Variants in ABCA10 observed in about 807,000 individuals in gnomAD.
ABCA10 encodes ATP-binding cassette sub-family A member 10.
ABCA10 carries 169 observed loss-of-function variants against 187.5 expected under a neutral mutation model. That is an observed-to-expected ratio of 0.90 (90% CI 0.80 to 1.02). ABCA10 has a LOEUF of 1.02. Among genes scored for constraint, ABCA10 ranks in the 50% least tolerant of loss-of-function variants. ABCA10 has a pLI of 0.00. For synonymous variants in ABCA10, 574 were observed against 601.8 expected (o/e 0.95, Z 0.68); for missense variants, 1,727 against 1,812.4 (o/e 0.95, Z 0.86).
At chr17:69,219,904 ACAAT>A (rs1401831595) in intron 5 of ABCA10, 133 bp from the exon 6 acceptor site, 3 of 644,864 alleles carry the variant, frequency 4.7e-6, no homozygotes, top group African/African-American at 3.7e-5. Context: ...TAATATCAGA[ACAAT>A]CTTAATAACT....
chr17:69,165,580 G>T (rs1359888701), intron 25 of ABCA10, among the ~76,000 whole-genome samples: 1 of 152,090 alleles, frequency 6.6e-6, no homozygotes, highest in Non-Finnish European at 1.5e-5. Flanking sequence ...AAATTATATG[G>T]TTGTCACTTT....
rs187745330 is a variant in ABCA10, at chr17:69,194,373, C to G, written c.1345+12G>C. On this transcript the variant is annotated intron_variant, in intron 12 of 38. Transcript: ENST00000690296. ...TTTTCAGCCAACTTACTTTATAAAA[C>G]TGTTTTCTCACCTTCTGTAGAAACA... 101 of 1,595,590 alleles carry G rather than the reference C, an allele frequency of 6.3e-5. No homozygotes were observed. The East Asian group carries it at 2.0e-3, about 31-fold the overall frequency.
chr17:69,203,126 T>C (rs1275207106), intron 9 of ABCA10, among the ~76,000 whole-genome samples: 4 of 152,118 alleles, frequency 2.6e-5, no homozygotes, highest in Admixed American at 1.3e-4. Context: ...AAGTTATAGA[T>C]AGAAATTCTT....
intron 25 of ABCA10, among the ~76,000 whole-genome samples, chr17:69,167,234 C>T (rs1287700630): frequency 6.6e-6 from 1 of 152,166 alleles, no homozygotes; most frequent in Non-Finnish European, 1.5e-5. Flanking sequence ...CTCCCAAACA[C>T]ATCTCTAATC....
chr17:69,208,417 C>CAAAAAAAAAAAAAAAAAAAA (rs67858017), intron 9 of ABCA10, among the ~76,000 whole-genome samples: 1 of 89,422 alleles, frequency 1.1e-5, no homozygotes, highest in African/African-American at 4.5e-5. Flanking sequence ...GACTCTGTCT[C>CAAAAAAAAAAAAAAAAAAAA]AAAAAAAAAA....
chr17:69,225,184 C>G (rs898826468), intron 3 of ABCA10, 141 bp downstream of exon 3: 3 of 887,186 alleles, frequency 3.4e-6, no homozygotes, highest in East Asian at 5.2e-5. Flanking sequence ...TCACACCAAC[C>G]CCTGTACTGC....
intron 10 of ABCA10, among the ~76,000 whole-genome samples, chr17:69,199,204 C>T (rs1238352191): frequency 6.6e-6 from 1 of 152,184 alleles, no homozygotes. Context: ...TTCCCCACTA[C>T]ACTACACTAG....
intron 7 of ABCA10, 24 bp from the exon 8 acceptor site, chr17:69,216,024 T>C (rs1343316823): frequency 6.3e-7 from 1 of 1,588,320 alleles, no homozygotes; most frequent in Admixed American, 2.0e-5. Context: ...GAGGTCTGAT[T>C]GGTATATTTT....
In ABCA10 at chr17:69,223,068, A is replaced by AG. The variant is rs2074763052; in HGVS notation, c.35-372dup. The stretch of plus-strand genomic sequence containing the variant: ...TGAGGGGTAGGGGAGGAGAGGGGGT[A>AG]GGGGAGGAGAGGAAGTAGTGGTGAA... On this transcript the variant is annotated intron_variant, in intron 3 of 38. Coordinates refer to ENST00000690296, the MANE Select transcript of ABCA10 (RefSeq NM_001377321.1). Among the ~76,000 whole-genome samples the AG allele has an allele frequency of 2.2e-5, 3 of 134,554 alleles. No individual in the cohort carries two copies. In the South Asian group the frequency reaches 7.9e-4, roughly 35 times the overall value. 88.3% of individuals were successfully genotyped at this position (134,554 alleles called of 152,430 possible).
Position 69,225,428 on chromosome 17 carries a change from G to T in ABCA10, c.-70C>A, listed in dbSNP as rs961761389. 1 of 1,542,116 alleles carries T rather than the reference G, an allele frequency of 6.5e-7. No homozygotes were observed. ...GGCCAGAGTCATTAAACTGATCCAC[G>T]CTTCCCAGGACTTTAGGAGGTTGTT... On this transcript the variant is annotated 5_prime_UTR_variant, in exon 3 of 39. Transcript: ENST00000690296.
rs554859230 is a variant in ABCA10 at position 69,192,294 on chromosome 17, C to T, written c.1871+269G>A. Among the ~76,000 whole-genome samples the T allele has an allele frequency of 2.1e-4, 31 of 148,646 alleles. 1 individual carries two copies. In the South Asian group the frequency reaches 5.8e-3, roughly 28 times the overall value. ...ACTGCACTCCAGCCTGGCAACAGAG[C>T]GAGACTGTGTCTTCAAAAAAACAAA... On this transcript the variant is annotated intron_variant, in intron 16 of 38. Transcript: ENST00000690296.
chr17:69,240,150 T>C (rs1033237537), intron 1 of ABCA10, among the ~76,000 whole-genome samples: 2 of 152,198 alleles, frequency 1.3e-5, no homozygotes, highest in Non-Finnish European at 2.9e-5. Flanking sequence ...ACCCTTAAAA[T>C]CCAGTCCCAT....
intron 20 of ABCA10, among the ~76,000 whole-genome samples, chr17:69,183,847 T>C (rs960269456): frequency 1.3e-5 from 2 of 152,088 alleles, no homozygotes; most frequent in African/African-American, 4.8e-5. Flanking sequence ...AATGCATAGT[T>C]TCCTGGACAG....
At chr17:69,152,802 GTAAATAAATAAATAAA>G (rs35681422) in intron 34 of ABCA10, among the ~76,000 whole-genome samples, 1 of 149,646 alleles carries the variant, frequency 6.7e-6, no homozygotes, top group South Asian at 2.1e-4. Flanking sequence ...ATACAATTAA[GTAAATAAATAAATAAA>G]TAAATAAATA....
At chr17:69,190,326 C>G (rs749790260) in intron 18 of ABCA10, 32 bp downstream of exon 18, 3 of 1,507,522 alleles carry the variant, frequency 2.0e-6, no homozygotes, top group Non-Finnish European at 2.6e-6. Flanking sequence ...TCTTTTTTTT[C>G]TTAATTTTCT....
In ABCA10 at chr17:69,197,977, T is replaced by C. The variant is rs886088200; in HGVS notation, c.1176-855A>G. On this transcript the variant is annotated intron_variant, in intron 10 of 38. Transcript: ENST00000690296. ...ATATATCTACACTTGGATATCAAAC[T>C]GAACGCATTATATTTTCCTCTAAAC... Among the ~76,000 whole-genome samples the C allele has an allele frequency of 9.8e-5, 15 of 152,318 alleles. No homozygotes were observed. The South Asian group carries it at 1.0e-3, about 11-fold the overall frequency.
chr17:69,210,780 T>C (rs762712535), intron 9 of ABCA10, among the ~76,000 whole-genome samples: 1 of 148,720 alleles, frequency 6.7e-6, no homozygotes, highest in East Asian at 2.0e-4. Flanking sequence ...TAGTATTTCA[T>C]TATATATATG....
intron 9 of ABCA10, among the ~76,000 whole-genome samples, chr17:69,211,349 A>ATATATG (rs1568070392): frequency 6.0e-4 from 12 of 20,006 alleles, no homozygotes; most frequent in African/African-American, 1.8e-3. Context: ...ATATATATAT[A>ATATATG]TATATATATA....
intron 9 of ABCA10, among the ~76,000 whole-genome samples, chr17:69,209,322 GAGA>G (rs2074617623): frequency 3.9e-5 from 4 of 101,842 alleles, no homozygotes; most frequent in Non-Finnish European, 1.1e-4. Context: ...TATCTAATTA[GAGA>G]ATTCAATTCA....
Sources: gnomAD v4.1 joint callset for allele counts (sites outside exome capture counted in the v4.1 genomes callset) on GRCh38, gnomAD v4.1.1 for gene constraint, MANE v1.5 for transcripts, NCBI Gene and HGNC (gene_info 2026-07-23, HGNC 2026-07-21) for gene names.